The following DNAH12 variants were observed in gnomAD, a reference collection of about 807,000 sequenced individuals.
The protein encoded by DNAH12 is axonemal beta dynein heavy chain 12.
In DNAH12, 285 loss-of-function variants were observed where a neutral mutation model predicts 371.5. The ratio of observed to expected loss-of-function variants is 0.77; its 90% CI spans 0.70 to 0.85. The LOEUF is 0.85. DNAH12 is among the 40% of genes least tolerant of loss of function. The probability of loss-of-function intolerance (pLI) is 0.00; values close to 1 mark genes in which losing one functional copy is unlikely to be tolerated. For synonymous variants in DNAH12, 1,200 were observed against 1,213.0 expected (o/e 0.99, Z 0.22); for missense variants, 3,611 against 3,689.4 (o/e 0.98, Z 0.55).
At chr3:57,439,474 A>C (rs1478753479) in intron 29 of DNAH12, among the ~76,000 whole-genome samples, 1 of 152,220 alleles carries the variant, frequency 6.6e-6, no homozygotes, top group Non-Finnish European at 1.5e-5. Flanking sequence ...CCATAGTGCT[A>C]GGATGGCTTG....
At chr3:57,521,589 T>A (rs2068446583) in intron 4 of DNAH12, among the ~76,000 whole-genome samples, 1 of 152,146 alleles carries the variant, frequency 6.6e-6, no homozygotes, top group African/African-American at 2.4e-5. Flanking sequence ...CAAAGTTTTT[T>A]AAAAAAGACA....
Position 57,508,495 on chromosome 3 carries a change from T to A in DNAH12, c.588A>T (p.Ala196=), listed in dbSNP as rs115105558. 1 of 1,613,008 alleles carries A rather than the reference T, an allele frequency of 6.2e-7. No homozygotes were observed. Among genetic ancestry groups the A allele is most frequent in the Non-Finnish European group, 8.5e-7 (1 of 1,179,780 alleles). Residue 196 remains alanine, a synonymous_variant, in exon 7 of 74, where the codon GCA becomes GCT. Transcript: ENST00000495027. The part of the protein sequence containing the change: ...SNPWHSSYVQ[A]RNQIFSNLHI... Reference sequence around the variant, plus strand: ...GCAAATTAGAGAATATTTGATTTCTTGCCTGCACATAGCTAGAATGCCAAG... The same window carrying A: ...GCAAATTAGAGAATATTTGATTTCTAGCCTGCACATAGCTAGAATGCCAAG...
intron 23 of DNAH12, among the ~76,000 whole-genome samples, chr3:57,454,370 C>G (rs2065843229): frequency 6.6e-6 from 1 of 151,464 alleles, no homozygotes; most frequent in African/African-American, 2.4e-5. Context: ...ATTCCAGCTA[C>G]TCGGAAGGCT....
At chr3:57,366,358 T>TG (rs2063052386) in intron 57 of DNAH12, among the ~76,000 whole-genome samples, 1 of 152,174 alleles carries the variant, frequency 6.6e-6, no homozygotes. Context: ...CCCTTGGGGC[T>TG]GCTCTATGGA....
At chr3:57,480,892 A>G (rs1426069280) in intron 13 of DNAH12, among the ~76,000 whole-genome samples, 1 of 152,202 alleles carries the variant, frequency 6.6e-6, no homozygotes, top group Non-Finnish European at 1.5e-5. Context: ...AAAACTCTCA[A>G]TAAATTAGGT....
intron 47 of DNAH12, among the ~76,000 whole-genome samples, chr3:57,385,895 G>C (rs1390057913): frequency 6.6e-6 from 1 of 151,972 alleles, no homozygotes; most frequent in African/African-American, 2.4e-5. Flanking sequence ...AAGAAAGTGT[G>C]GGTCAGTTTT....
At chr3:57,514,413 A>T (rs2068111799) in intron 4 of DNAH12, among the ~76,000 whole-genome samples, 1 of 151,978 alleles carries the variant, frequency 6.6e-6, no homozygotes, top group African/African-American at 2.4e-5. Flanking sequence ...AAAAAGAAAA[A>T]TAAATAAACA....
At chr3:57,519,757 C>A (rs878962154) in intron 4 of DNAH12, 7 of 1,606,936 alleles carry the variant, frequency 4.4e-6, no homozygotes, top group Non-Finnish European at 6.0e-6. Context: ...GCAGCAGTTG[C>A]GGAAGGAATG....
intron 70 of DNAH12, among the ~76,000 whole-genome samples, chr3:57,298,352 G>C (rs895217172): frequency 7.9e-5 from 12 of 152,210 alleles, no homozygotes; most frequent in African/African-American, 2.9e-4. Flanking sequence ...AAGTTGGGTG[G>C]ATGTGAGGCC....
intron 65 of DNAH12, among the ~76,000 whole-genome samples, chr3:57,320,945 A>G (rs2061791466): frequency 6.6e-6 from 1 of 152,232 alleles, no homozygotes; most frequent in Non-Finnish European, 1.5e-5. Flanking sequence ...ATGATGATAC[A>G]TGGCAAGGAT....
At chr3:57,309,562 G>A (rs1169528681) in intron 68 of DNAH12, 104 bp downstream of exon 68, 2 of 1,152,908 alleles carry the variant, frequency 1.7e-6, no homozygotes, top group African/African-American at 3.2e-5. Context: ...GAGAGGCAAA[G>A]TTCTTGCTCA....
At chr3:57,302,567 A>ATATATATATATATATTTTTTTT (rs2061380979) in intron 69 of DNAH12, among the ~76,000 whole-genome samples, 2 of 27,476 alleles carry the variant, frequency 7.3e-5, no homozygotes, top group African/African-American at 2.5e-4. Context: ...ATATATATGT[A>ATATATATATATATATTTTTTTT]TTTTTTTTTT....
At chr3:57,318,212 A>T (rs2061727997) in intron 65 of DNAH12, among the ~76,000 whole-genome samples, 1 of 151,952 alleles carries the variant, frequency 6.6e-6, no homozygotes, top group African/African-American at 2.4e-5. Context: ...TTTTGGTGTC[A>T]TATCTATGAA....
In DNAH12 at chr3:57,523,894, A is replaced by G. The variant is rs2068538406; in HGVS notation, c.171-10T>C. 6.4e-7 allele frequency: 1 copy of G among 1,564,704 alleles called. No homozygotes were observed. Among genetic ancestry groups the G allele is most frequent in the South Asian group, 1.2e-5 (1 of 84,966 alleles). The stretch of plus-strand genomic sequence containing the variant: ...TTTGGCTCCATCAATTCTGAAATTT[A>G]TAGTTAGAAATATGACTCTCTTGAT... On this transcript the variant is annotated splice_polypyrimidine_tract_variant and intron_variant, in intron 2 of 73. Coordinates refer to ENST00000495027, the MANE Select transcript of DNAH12 (RefSeq NM_001366028.2).
At chr3:57,313,230 G>C (rs1286886229) in intron 66 of DNAH12, among the ~76,000 whole-genome samples, 1 of 152,176 alleles carries the variant, frequency 6.6e-6, no homozygotes, top group African/African-American at 2.4e-5. Flanking sequence ...TTAATGTACA[G>C]AGAAGCAAGA....
intron 2 of DNAH12, among the ~76,000 whole-genome samples, chr3:57,542,155 T>TG (rs35978339): frequency 4.9e-5 from 4 of 82,340 alleles, no homozygotes; most frequent in African/African-American, 1.5e-4. Context: ...TCCACTAAAC[T>TG]GGGGGGGGGG....
intron 13 of DNAH12, among the ~76,000 whole-genome samples, chr3:57,478,038 C>T (rs2066597748): frequency 6.6e-6 from 1 of 152,210 alleles, no homozygotes; most frequent in Non-Finnish European, 1.5e-5. Context: ...CAAAGGAATG[C>T]AGCTCCTCAC....
chr3:57,438,403 A>T (rs1259478588), intron 29 of DNAH12, among the ~76,000 whole-genome samples: 1 of 152,194 alleles, frequency 6.6e-6, no homozygotes, highest in East Asian at 1.9e-4. Flanking sequence ...TTAACATACA[A>T]TCAAAACTTA....
At chr3:57,387,736 G>C (rs1035522809) in intron 45 of DNAH12, among the ~76,000 whole-genome samples, 3,585 of 152,264 alleles carry the variant, frequency 0.024, 65 homozygotes, top group Admixed American at 0.035. Flanking sequence ...GTTACATAGA[G>C]CTGGGATATC....
Sources: gnomAD v4.1 joint callset for allele counts (sites outside exome capture counted in the v4.1 genomes callset) on GRCh38, gnomAD v4.1.1 for gene constraint, MANE v1.5 for transcripts, NCBI Gene and HGNC (gene_info 2026-07-23, HGNC 2026-07-21) for gene names.